The following RBAK variants were observed in gnomAD, a reference collection of about 807,000 sequenced individuals.
The protein encoded by RBAK is RB associated KRAB zinc finger, also known as RB-associated KRAB zinc finger protein.
A neutral mutation model predicts 65.8 loss-of-function variants in RBAK; 39 were observed. The observed-to-expected ratio is 0.59, with a 90% CI of 0.46 to 0.77. The LOEUF (loss-of-function observed/expected upper bound fraction) is 0.77, where lower values mean the gene tolerates loss of function less well. Among genes scored for constraint, RBAK ranks in the 30% least tolerant of loss-of-function variants. The pLI is 0.00. For missense variants in RBAK, 884 were observed against 855.1 expected (o/e 1.03, Z -0.42); for synonymous variants, 343 against 289.7 (o/e 1.18, Z -1.87).
At chr7:5,049,803 A>T (rs902946500) in intron 2 of RBAK, among the ~76,000 whole-genome samples, 7 of 151,884 alleles carry the variant, frequency 4.6e-5, no homozygotes, top group Non-Finnish European at 1.0e-4. Context: ...AACTCACTGC[A>T]ACCTCAGTCT....
chr7:5,048,979 C>T lies in RBAK; in HGVS notation c.15+888C>T, dbSNP rs533256188. On this transcript the variant is annotated intron_variant, in intron 2 of 4. Coordinates refer to ENST00000396912, the MANE Select transcript of RBAK (RefSeq NM_021163.4). This position sits in a 1 kb window ranked among gnomAD's most constrained non-coding sequence, Gnocchi z 4.4. ...GATCCAATCACCTCCCACCAGGCCC[C>T]ACCTCCAACATTGGGGATTACAATT... Among the ~76,000 whole-genome samples the T allele has an allele frequency of 1.3e-5, 2 of 152,312 alleles. No individual in the cohort carries two copies. The highest frequency in any genetic ancestry group is 2.1e-4 in the South Asian group (1 of 4,824).
rs761432734 is a variant in RBAK at position 5,065,236 on chromosome 7, C to T, written c.1780C>T (p.Pro594Ser). 6.2e-7 allele frequency: 1 copy of T among 1,613,652 alleles called. No individual in the cohort carries two copies. Among genetic ancestry groups the T allele is most frequent in the African/African-American group, 1.3e-5 (1 of 74,908 alleles). The change falls in exon 5 of 5, where the codon CCC becomes TCC. Residue 594 changes from proline (P) to serine (S), a missense_variant. Pro to Ser is a moderately conservative substitution (Grantham distance 74). Coordinates refer to ENST00000396912, the MANE Select transcript of RBAK (RefSeq NM_021163.4). This position sits in a 1 kb window ranked among gnomAD's most constrained non-coding sequence, Gnocchi z 5.3. ...TCAAAGAGTACACACAGGCGAGAAA[C>T]CCTATGAATGTTACGAATGTGGAAA... is the stretch of plus-strand genomic sequence containing the variant. ...RHQRVHTGEK[P>S]YECYECGKFF...
At chr7:5,057,259 C>T in intron 2 of RBAK, 36 bp from the exon 3 acceptor site, 1 of 1,613,950 alleles carries the variant, frequency 6.2e-7, no homozygotes, top group African/African-American at 1.3e-5. Context: ...TATCCCTTTT[C>T]CGTATCTCCC....
At position 5,065,519 on chromosome 7, in the gene RBAK, T is replaced by C; in HGVS notation, c.2063T>C (p.Phe688Ser). The C allele has an allele frequency of 6.2e-7, 1 of 1,605,750 alleles. No individual in the cohort carries two copies. Among genetic ancestry groups the C allele is most frequent in the African/African-American group, 1.3e-5 (1 of 74,694 alleles). ...PYECNECGKK[F>S]HHRSAFNSHQ... ...GAATGTAACGAGTGTGGGAAAAAAT[T>C]CCACCACAGATCAGCCTTCAATAGC... The change falls in exon 5 of 5, where the codon TTC becomes TCC. Residue 688 changes from phenylalanine to serine, a missense_variant. Coordinates refer to ENST00000396912, the MANE Select transcript of RBAK (RefSeq NM_021163.4). The surrounding 1 kb of genome is among the most constrained non-coding windows in gnomAD (Gnocchi z 5.3).
intron 4 of RBAK, among the ~76,000 whole-genome samples, chr7:5,059,231 T>C (rs1275760477): frequency 6.6e-6 from 1 of 152,166 alleles, no homozygotes; most frequent in Non-Finnish European, 1.5e-5. Flanking sequence ...CAAATGATCA[T>C]TGTCCTTTTC....
chr7:5,064,700 C>G lies in RBAK; in HGVS notation c.1244C>G (p.Thr415Ser). ...ECGKSYYRKS[T>S]LITHQRTHTG... The stretch of plus-strand genomic sequence containing the variant: ...GGGAAATCCTACTACCGAAAGTCTA[C>G]TCTGATTACACATCAGAGAACACAC... The change falls in exon 5 of 5, where the codon ACT becomes AGT. Residue 415 changes from threonine (T) to serine (S), a missense_variant. Coordinates refer to ENST00000396912, the MANE Select transcript of RBAK (RefSeq NM_021163.4). The surrounding 1 kb of genome is among the most constrained non-coding windows in gnomAD (Gnocchi z 6.3). 1 of 1,612,306 alleles carries G rather than the reference C, an allele frequency of 6.2e-7. No homozygotes were observed. Among genetic ancestry groups the G allele is most frequent in the Non-Finnish European group, 8.5e-7 (1 of 1,178,664 alleles).
rs1328102777 is a variant in RBAK, at chr7:5,048,222, G to C, written c.15+131G>C. 43 of 1,312,706 alleles carry C rather than the reference G, an allele frequency of 3.3e-5. No individual in the cohort carries two copies. Among genetic ancestry groups the C allele is most frequent in the Middle Eastern group, 5.8e-4 (2 of 3,442 alleles). The allele number at this position is 1,312,706 out of a possible 1,614,324, so 81.3% of individuals were successfully genotyped here. On this transcript the variant is annotated intron_variant, in intron 2 of 4. Coordinates refer to ENST00000396912, the MANE Select transcript of RBAK (RefSeq NM_021163.4). This position sits in a 1 kb window ranked among gnomAD's most constrained non-coding sequence, Gnocchi z 4.4. ...GAGTCTTGCTCTGTTGCCCAGGCTGGAGTGCAGTGGCATGATCTCGCTTCA... is the reference window on the plus strand; with the variant it reads ...GAGTCTTGCTCTGTTGCCCAGGCTGCAGTGCAGTGGCATGATCTCGCTTCA...
At chr7:5,060,453 A>G (rs67403473) in intron 4 of RBAK, among the ~76,000 whole-genome samples, 13,419 of 152,310 alleles carry the variant, frequency 0.088, 1,038 homozygotes, top group East Asian at 0.4. Context: ...AGCTGCATGA[A>G]TTACTTTAAA....
intron 4 of RBAK, among the ~76,000 whole-genome samples, chr7:5,061,626 G>A (rs146249199): frequency 2.0e-5 from 3 of 150,542 alleles, no homozygotes; most frequent in East Asian, 2.0e-4. Context: ...GGCCGGCCAC[G>A]GTGGCTCGTG....
At chr7:5,058,087 G>GT (rs869141483) in intron 4 of RBAK, among the ~76,000 whole-genome samples, 1 of 135,604 alleles carries the variant, frequency 7.4e-6, no homozygotes, top group East Asian at 2.2e-4. Flanking sequence ...TTGTTTGTTT[G>GT]TTTTGGAGAC....
chr7:5,068,066 A>G lies in RBAK; in HGVS notation c.*2465A>G, dbSNP rs1779264337. 2 of 152,198 alleles carry G rather than the reference A, an allele frequency of 1.3e-5. No individual in the cohort carries two copies. Among genetic ancestry groups the G allele is most frequent in the South Asian group, 2.1e-4 (1 of 4,832 alleles). 9.4% of individuals were successfully genotyped at this position (152,198 alleles called of 1,614,324 possible). A position where few individuals can be genotyped will look rare whatever the true frequency, so the allele number is the denominator to read the frequency against. ...ACTTCTATTTATCAGAAAGACCACC[A>G]GTAAGAAAATGAACAGGAAATCATG... On this transcript the variant is annotated 3_prime_UTR_variant, in exon 5 of 5. Transcript: ENST00000396912.
At chr7:5,061,533 C>T (rs1303415181) in intron 4 of RBAK, among the ~76,000 whole-genome samples, 1 of 150,016 alleles carries the variant, frequency 6.7e-6, no homozygotes, top group Non-Finnish European at 1.5e-5. Context: ...TCAGGCGATC[C>T]ATCCACCTTG....
At position 5,064,974 on chromosome 7, in the gene RBAK, A is replaced by G; in HGVS notation, c.1518A>G (p.Leu506=). 1 of 1,614,156 alleles carries G rather than the reference A, an allele frequency of 6.2e-7. No individual in the cohort carries two copies. ...LYLTDHHTAH[L]EEKPYECNEC... ...TCACCGACCATCATACAGCTCATTT[A>G]GAAGAGAAACCCTATGAATGTAATG... Residue 506 remains leucine, a synonymous_variant, in exon 5 of 5, where the codon TTA becomes TTG. Transcript: ENST00000396912. This position sits in a 1 kb window ranked among gnomAD's most constrained non-coding sequence, Gnocchi z 6.3.
At position 5,065,746 on chromosome 7, in the gene RBAK, C is replaced by A; in HGVS notation, c.*145C>A. ...AGAGTCATTTTAATCCAAATTTTCA[C>A]AGAGAAGAATCCCGAAGAATGTAAC... On this transcript the variant is annotated 3_prime_UTR_variant, in exon 5 of 5. Coordinates refer to ENST00000396912, the MANE Select transcript of RBAK (RefSeq NM_021163.4). The surrounding 1 kb of genome is among the most constrained non-coding windows in gnomAD (Gnocchi z 5.3). 1.9e-6 allele frequency: 1 copy of A among 535,248 alleles called. No individual in the cohort carries two copies. Among genetic ancestry groups the A allele is most frequent in the Non-Finnish European group, 3.0e-6 (1 of 333,326 alleles). The allele number at this position is 535,248 out of a possible 1,614,324, so 33.2% of individuals were successfully genotyped here.
intron 2 of RBAK, among the ~76,000 whole-genome samples, chr7:5,056,618 C>T (rs1252265572): frequency 6.6e-6 from 1 of 152,180 alleles, no homozygotes; most frequent in African/African-American, 2.4e-5. Context: ...TGCACCTTGT[C>T]TGCATTACTC....
Position 5,065,833 on chromosome 7 carries a change from A to C in RBAK, c.*232A>C, listed in dbSNP as rs1458667647. Reference sequence around the variant, plus strand: ...CGGACACTAATTTATATAGGAGTGAAGTTTTATAAATATTTAATATTTATT... The same window carrying C: ...CGGACACTAATTTATATAGGAGTGACGTTTTATAAATATTTAATATTTATT... On this transcript the variant is annotated 3_prime_UTR_variant, in exon 5 of 5. Transcript: ENST00000396912. This position sits in a 1 kb window ranked among gnomAD's most constrained non-coding sequence, Gnocchi z 5.3. 3.1e-6 allele frequency: 1 copy of C among 324,686 alleles called. No homozygotes were observed. The highest frequency in any genetic ancestry group is 5.5e-6 in the Non-Finnish European group (1 of 181,096). The allele number at this position is 324,686 out of a possible 1,614,324, so 20.1% of individuals were successfully genotyped here.
chr7:5,053,323 A>G (rs1308496864), intron 2 of RBAK, among the ~76,000 whole-genome samples: 1 of 152,002 alleles, frequency 6.6e-6, no homozygotes, highest in Non-Finnish European at 1.5e-5. Context: ...TCCTGCTTAC[A>G]TTTTTTTCTA....
intron 1 of RBAK, among the ~76,000 whole-genome samples, chr7:5,047,614 T>C (rs1425259354): frequency 7.1e-6 from 1 of 140,604 alleles, no homozygotes. Flanking sequence ...TTTTTTTTTT[T>C]TTTTTTTTTT....
chr7:5,055,321 G>C (rs1390627050), intron 2 of RBAK, among the ~76,000 whole-genome samples: 2 of 151,946 alleles, frequency 1.3e-5, no homozygotes, highest in Non-Finnish European at 2.9e-5. Flanking sequence ...ATATGTGCTT[G>C]TGTGTAATTG....
Sources: allele counts gnomAD v4.1 joint callset (sites outside exome capture counted in the v4.1 genomes callset), GRCh38; gene constraint gnomAD v4.1.1; non-coding constraint Gnocchi (gnomAD v3.1); transcripts MANE v1.5; gene names NCBI Gene and HGNC (gene_info 2026-07-23, HGNC 2026-07-21).